NRROS: variants seen among roughly 807,000 people sequenced by gnomAD.
The protein encoded by NRROS is transforming growth factor beta activator LRRC33.
A neutral mutation model predicts 12.0 loss-of-function variants in NRROS; 6 were observed. The ratio of observed to expected loss-of-function variants is 0.50; its 90% CI spans 0.27 to 0.98. The LOEUF is 0.98. Among genes scored for constraint, NRROS ranks in the 50% least tolerant of loss-of-function variants. The probability of loss-of-function intolerance (pLI) is 0.11; values close to 1 mark genes in which losing one functional copy is unlikely to be tolerated. For missense variants in NRROS, 857 were observed against 888.2 expected, an observed-to-expected ratio of 0.96 and a Z score of 0.45; for synonymous variants, 462 against 410.2, an observed-to-expected ratio of 1.13 and a Z score of -1.53.
At chr3:196,653,006 A>G (rs1031038842) in intron 1 of NRROS, among the ~76,000 whole-genome samples, 99 of 152,326 alleles carry the variant, frequency 6.5e-4, no homozygotes, top group African/African-American at 2.3e-3. Flanking sequence ...AATTTACTAA[A>G]TCTGCAACTA....
At chr3:196,643,860 C>T (rs546288461) in intron 1 of NRROS, among the ~76,000 whole-genome samples, 5 of 152,030 alleles carry the variant, frequency 3.3e-5, no homozygotes, top group Non-Finnish European at 4.4e-5. Flanking sequence ...CCCTTTCCCT[C>T]GGCCCTGCAG....
chr3:196,655,350 C>A (rs903153128), intron 2 of NRROS, among the ~76,000 whole-genome samples: 1 of 151,632 alleles, frequency 6.6e-6, no homozygotes, highest in Non-Finnish European at 1.5e-5. Flanking sequence ...GCCTGGCCAA[C>A]ATGGTGAAAC....
chr3:196,644,935 G>GC (rs1440870992), intron 1 of NRROS, among the ~76,000 whole-genome samples: 2 of 152,032 alleles, frequency 1.3e-5, no homozygotes, highest in African/African-American at 4.8e-5. Flanking sequence ...CTGCACTCCA[G>GC]CCTGGGCAAC....
At chr3:196,653,026 A>G (rs6583335) in intron 1 of NRROS, among the ~76,000 whole-genome samples, 54,302 of 152,042 alleles carry the variant, frequency 0.36, 11,714 homozygotes, top group African/African-American at 0.62. Context: ...ATGCAGCCTT[A>G]TTTCATGGCG....
Position 196,659,843 on chromosome 3 carries a change from A to G in NRROS, c.200A>G (p.Asn67Ser). The change falls in exon 3 of 3, where the codon AAC (asparagine) becomes AGC (serine). Residue 67 changes from asparagine to serine, a missense_variant. Transcript: ENST00000328557. ...PHARMLTLDA[N>S]PLKTLWNHSL... ...GCCCGGATGCTCACCCTGGATGCCA[A>G]CCCTCTCAAGACCCTGTGGAATCAC... The G allele has an allele frequency of 1.2e-6, 2 of 1,613,800 alleles. No homozygotes were observed. Among genetic ancestry groups the G allele is most frequent in the South Asian group, 1.1e-5 (1 of 91,068 alleles).
intron 1 of NRROS, among the ~76,000 whole-genome samples, chr3:196,649,363 AC>A (rs1378321381): frequency 3.9e-5 from 6 of 152,142 alleles, no homozygotes; most frequent in African/African-American, 1.2e-4. Flanking sequence ...TCCATCCGGC[AC>A]CGTGTGCCCT....
In NRROS at chr3:196,659,982, G is replaced by C; in HGVS notation, c.339G>C (p.Gly113=). ...GTCACCTGCGCAGCCTGGTCCTGGG[G>C]GACAACTGCCTCTCAGAGAACTACG... is the stretch of plus-strand genomic sequence containing the variant. ...EQGHLRSLVL[G]DNCLSENYEE... Residue 113 remains glycine, a synonymous_variant, in exon 3 of 3, where the codon GGG becomes GGC. Transcript: ENST00000328557. 6.2e-7 allele frequency: 1 copy of C among 1,613,736 alleles called. No individual in the cohort carries two copies. The highest frequency in any genetic ancestry group is 8.5e-7 in the Non-Finnish European group (1 of 1,179,854).
rs1489293958 is a variant in NRROS at position 196,660,646 on chromosome 3, A to G, written c.1003A>G (p.Met335Val). The G allele has an allele frequency of 2.2e-5, 35 of 1,614,070 alleles. No individual in the cohort carries two copies. The highest frequency in any genetic ancestry group is 2.8e-5 in the Non-Finnish European group (33 of 1,180,036). The change falls in exon 3 of 3, where the codon ATG becomes GTG. Residue 335 changes from methionine to valine, a missense_variant. Coordinates refer to ENST00000328557, the MANE Select transcript of NRROS (RefSeq NM_198565.3). The surrounding 1 kb of genome is among the most constrained non-coding windows in gnomAD (Gnocchi z 7.7). ...SDLADLRFLD[M>V]SQNQFQYLPD... ...CCTCGCAGATCTCCGCTTCCTGGAC[A>G]TGAGCCAGAACCAGTTCCAGTACCT... is the stretch of plus-strand genomic sequence containing the variant.
chr3:196,655,939 G>A (rs1737530289), intron 2 of NRROS, among the ~76,000 whole-genome samples: 1 of 152,320 alleles, frequency 6.6e-6, no homozygotes, highest in African/African-American at 2.4e-5. Context: ...TTGGGAGGCC[G>A]AGGCGGGCAG....
At chr3:196,649,693 G>A (rs535324456) in intron 1 of NRROS, among the ~76,000 whole-genome samples, 17 of 152,178 alleles carry the variant, frequency 1.1e-4, no homozygotes, top group African/African-American at 4.1e-4. Context: ...GGATGGTCTC[G>A]ATCTCCTGAC....
chr3:196,651,936 T>C (rs1737437386), intron 1 of NRROS, among the ~76,000 whole-genome samples: 1 of 152,152 alleles, frequency 6.6e-6, no homozygotes, highest in South Asian at 2.1e-4. Context: ...GAGGAGTGTC[T>C]TCCATTGACT....
chr3:196,660,972 G>C lies in NRROS; in HGVS notation c.1329G>C (p.Leu443=). ...MSHNQISLCP[L]PAASDRVGPP... ...ACAATCAGATCTCACTTTGTCCCCT[G>C]CCAGCTGCCTCGGACCGGGTGGGCC... The change falls in exon 3 of 3, where the codon CTG becomes CTC. Residue 443 remains leucine (L), a synonymous_variant. Transcript: ENST00000328557. This position sits in a 1 kb window ranked among gnomAD's most constrained non-coding sequence, Gnocchi z 7.7. 1 of 1,614,160 alleles carries C rather than the reference G, an allele frequency of 6.2e-7. No homozygotes were observed. The highest frequency in any genetic ancestry group is 8.5e-7 in the Non-Finnish European group (1 of 1,180,044).
At chr3:196,646,601 G>A (rs776342754) in intron 1 of NRROS, among the ~76,000 whole-genome samples, 1 of 152,294 alleles carries the variant, frequency 6.6e-6, no homozygotes, top group African/African-American at 2.4e-5. Context: ...TGGCTTATTC[G>A]TGGCCCTAAG....
rs776685502 is a variant in NRROS, at chr3:196,661,771, C to T, written c.*49C>T. The T allele has an allele frequency of 1.6e-5, 24 of 1,457,014 alleles. No individual in the cohort carries two copies. Among genetic ancestry groups the T allele is most frequent in the Non-Finnish European group, 1.9e-5 (21 of 1,086,664 alleles). 90.3% of individuals were successfully genotyped at this position (1,457,014 alleles called of 1,614,324 possible). On this transcript the variant is annotated 3_prime_UTR_variant, in exon 3 of 3. Coordinates refer to ENST00000328557, the MANE Select transcript of NRROS (RefSeq NM_198565.3). ...AATTCGGTCCGCACACAACAGGACA[C>T]TTTCTCTGCCAGCTTTCAAGATGTG...
intron 1 of NRROS, among the ~76,000 whole-genome samples, chr3:196,642,815 T>C (rs1737234579): frequency 2.0e-5 from 3 of 152,272 alleles, no homozygotes; most frequent in South Asian, 4.2e-4. Flanking sequence ...CTCATCCCTG[T>C]AATCCCAGCA....
In NRROS at chr3:196,656,232, C is replaced by T. The variant is rs551071014; in HGVS notation, c.108+1585C>T. Among the ~76,000 whole-genome samples the T allele has an allele frequency of 3.2e-4, 48 of 152,236 alleles. No individual in the cohort carries two copies. In the Middle Eastern group the frequency reaches 0.01, roughly 32 times the overall value. ...TTCTTGAGCCATATTATATACTAGG[C>T]GTTGGGAAGACAAATTGGATGTCAG... On this transcript the variant is annotated intron_variant, in intron 2 of 2. Transcript: ENST00000328557.
At chr3:196,653,213 C>G (rs1206321814) in intron 1 of NRROS, among the ~76,000 whole-genome samples, 1 of 152,250 alleles carries the variant, frequency 6.6e-6, no homozygotes, top group African/African-American at 2.4e-5. Flanking sequence ...CAGTGTCTGG[C>G]AAGTTCTGGT....
In NRROS at chr3:196,659,934, C is replaced by A; in HGVS notation, c.291C>A (p.Ser97Arg). Residue 97 changes from serine to arginine, a missense_variant, in exon 3 of 3, where the codon AGC becomes AGA. By Grantham distance (110) the Ser-to-Arg change is moderately radical. Transcript: ENST00000328557. ...ACAGCTGCCACCTGGAGCGCATCAG[C>A]CGCGGCGCCTTCCAGGAGCAAGGTC... The part of the protein sequence containing the change: ...SLHSCHLERI[S>R]RGAFQEQGHL... 1 of 1,614,092 alleles carries A rather than the reference C, an allele frequency of 6.2e-7. No homozygotes were observed.
At position 196,661,862 on chromosome 3, in the gene NRROS, GCCCAC is replaced by G. The variant is rs1182178218; in HGVS notation, c.*149_*153del. 1.6e-5 allele frequency: 10 copies of G among 643,142 alleles called. No homozygotes were observed. The allele number at this position is 643,142 out of a possible 1,614,324, so 39.8% of individuals were successfully genotyped here. A position where few individuals can be genotyped will look rare whatever the true frequency, so the allele number is the denominator to read the frequency against. On this transcript the variant is annotated 3_prime_UTR_variant, in exon 3 of 3. Transcript: ENST00000328557. ...ATTTAATATGTTTCCATTCCTCATC[GCCCAC>G]CCCACCCCCGCCCCCACCACCGCCC...
Sources: gnomAD v4.1 joint callset for allele counts (sites outside exome capture counted in the v4.1 genomes callset) on GRCh38, gnomAD v4.1.1 for gene constraint, Gnocchi (gnomAD v3.1) non-coding constraint, MANE v1.5 for transcripts, NCBI Gene and HGNC (gene_info 2026-07-23, HGNC 2026-07-21) for gene names.